The following GRM7 variants were observed in gnomAD, a reference collection of about 807,000 sequenced individuals.
GRM7 encodes glutamate metabotropic receptor 7.
Under a neutral mutation model 84.5 loss-of-function variants are expected in GRM7, and 35 were observed. That is an observed-to-expected ratio of 0.41 (90% CI 0.32 to 0.55). GRM7 has a LOEUF of 0.55. Among genes scored for constraint, GRM7 ranks in the 20% least tolerant of loss-of-function variants. The pLI, the probability that GRM7 is intolerant of heterozygous loss-of-function variation, is 0.19. For synonymous variants in GRM7, 487 were observed against 455.1 expected, an observed-to-expected ratio of 1.07 and a Z score of -0.89; for missense variants, 1,003 against 1,194.6, an observed-to-expected ratio of 0.84 and a Z score of 2.36.
chr3:7,551,273 C>A (rs1428851714), intron 7 of GRM7, among the ~76,000 whole-genome samples: 2 of 152,128 alleles, frequency 1.3e-5, no homozygotes, highest in Non-Finnish European at 2.9e-5. Flanking sequence ...TGCATACAGA[C>A]CCCTTATAAA....
At chr3:7,084,079 G>A (rs922256960) in intron 1 of GRM7, among the ~76,000 whole-genome samples, 2 of 152,142 alleles carry the variant, frequency 1.3e-5, no homozygotes, top group South Asian at 2.1e-4. Context: ...CGTAGGGGCA[G>A]GGGGCAGGGA....
chr3:6,895,262 C>T (rs1369104641), intron 1 of GRM7, among the ~76,000 whole-genome samples: 1 of 152,110 alleles, frequency 6.6e-6, no homozygotes, highest in Admixed American at 6.6e-5. Flanking sequence ...ATCCCTTCCC[C>T]CAAAATGCCA....
At chr3:6,869,950 G>A (rs150085530) in intron 1 of GRM7, among the ~76,000 whole-genome samples, 57 of 151,832 alleles carry the variant, frequency 3.8e-4, no homozygotes, top group African/African-American at 1.3e-3. Flanking sequence ...TTCCATGTGC[G>A]CTTTTCTAAA....
chr3:7,669,714 C>T (rs1699845677), intron 8 of GRM7, among the ~76,000 whole-genome samples: 2 of 152,114 alleles, frequency 1.3e-5, no homozygotes, highest in South Asian at 2.1e-4. Flanking sequence ...TCAGCCAACA[C>T]CTTGGTAACA....
Position 7,198,797 on chromosome 3 carries a change from A to C in GRM7, c.736+52129A>C, listed in dbSNP as rs77700501. Among the ~76,000 whole-genome samples the C allele has an allele frequency of 1.1e-3, 172 of 152,282 alleles. 1 individual carries two copies. The highest frequency in any genetic ancestry group is 4.0e-3 in the African/African-American group (168 of 41,562). ...GCTTTCACACCATCATAAAGTCAAA[A>C]ATTATAAGTTGAGCCATCATAAGTT... is the stretch of plus-strand genomic sequence containing the variant. On this transcript the variant is annotated intron_variant, in intron 2 of 9. Transcript: ENST00000357716.
chr3:7,065,765 G>C (rs190857213), intron 1 of GRM7, among the ~76,000 whole-genome samples: 1 of 151,682 alleles, frequency 6.6e-6, no homozygotes, highest in Admixed American at 6.6e-5. Flanking sequence ...CATTGAATTT[G>C]TAGATCACTT....
intron 9 of GRM7, among the ~76,000 whole-genome samples, chr3:7,734,627 C>T (rs1370758491): frequency 6.6e-6 from 1 of 152,168 alleles, no homozygotes; most frequent in Non-Finnish European, 1.5e-5. Flanking sequence ...GTTTTTACCC[C>T]TGCCAAGTTT....
intron 1 of GRM7, among the ~76,000 whole-genome samples, chr3:7,071,511 G>A (rs1697882950): frequency 6.6e-6 from 1 of 151,870 alleles, no homozygotes; most frequent in African/African-American, 2.4e-5. Context: ...CTGTTGGCAT[G>A]CTTTAAAAAC....
chr3:7,690,965 A>C (rs1202701701), intron 9 of GRM7: 1 of 319,466 alleles, frequency 3.1e-6, no homozygotes, highest in Admixed American at 4.5e-5. Flanking sequence ...GTGAATGAGC[A>C]TCTTCCCAAT....
At chr3:7,539,495 G>A (rs1692748286) in intron 7 of GRM7, among the ~76,000 whole-genome samples, 1 of 151,726 alleles carries the variant, frequency 6.6e-6, no homozygotes, top group African/African-American at 2.4e-5. Context: ...GCAAAAGATG[G>A]TGAAACCCCG....
chr3:7,217,670 A>G (rs13070503), intron 2 of GRM7, among the ~76,000 whole-genome samples: 1 of 149,952 alleles, frequency 6.7e-6, no homozygotes, highest in Non-Finnish European at 1.5e-5. Context: ...GTCAGAAGGT[A>G]TTTATAAGCT....
At chr3:7,322,053 G>T (rs1575165550) in intron 4 of GRM7, among the ~76,000 whole-genome samples, 1 of 152,000 alleles carries the variant, frequency 6.6e-6, no homozygotes, top group Non-Finnish European at 1.5e-5. Context: ...CTTGAAATTA[G>T]TTGGGTAAAA....
chr3:7,098,950 T>G (rs1698953376), intron 1 of GRM7, among the ~76,000 whole-genome samples: 3 of 152,086 alleles, frequency 2.0e-5, no homozygotes, highest in Admixed American at 6.6e-5. Context: ...ATATGCTCTC[T>G]GATGCCTGTG....
At chr3:7,040,349 C>A (rs1327791017) in intron 1 of GRM7, among the ~76,000 whole-genome samples, 2 of 151,756 alleles carry the variant, frequency 1.3e-5, no homozygotes, top group Non-Finnish European at 2.9e-5. Flanking sequence ...GTCGCCCAGG[C>A]TGGGGTGCAG....
At chr3:7,029,301 C>CAAAAAAAAAAA (rs57622634) in intron 1 of GRM7, among the ~76,000 whole-genome samples, 3 of 55,204 alleles carry the variant, frequency 5.4e-5, no homozygotes, top group African/African-American at 1.3e-4. Flanking sequence ...GACTCTGCCT[C>CAAAAAAAAAAA]AAAAAAAAAA....
intron 1 of GRM7, among the ~76,000 whole-genome samples, chr3:7,141,525 A>G (rs1408608163): frequency 6.6e-6 from 1 of 152,068 alleles, no homozygotes; most frequent in Non-Finnish European, 1.5e-5. Flanking sequence ...TTATAGCTAT[A>G]CTATGATTCT....
At chr3:7,725,466 C>T (rs1318349127) in intron 9 of GRM7, among the ~76,000 whole-genome samples, 4 of 152,092 alleles carry the variant, frequency 2.6e-5, no homozygotes, top group African/African-American at 9.7e-5. Context: ...TTTTCTCCAT[C>T]CTTTGAATAA....
chr3:6,878,378 C>CATGTGT (rs58886076), intron 1 of GRM7, among the ~76,000 whole-genome samples: 32 of 142,054 alleles, frequency 2.3e-4, no homozygotes, highest in African/African-American at 7.6e-4. Flanking sequence ...TATGTGTTTG[C>CATGTGT]GTGTGTGTGT....
At chr3:6,947,275 T>G (rs1698123561) in intron 1 of GRM7, among the ~76,000 whole-genome samples, 1 of 152,186 alleles carries the variant, frequency 6.6e-6, no homozygotes, top group Non-Finnish European at 1.5e-5. Flanking sequence ...GTTGTTGAAT[T>G]TTGTCAAACG....
Sources: allele counts gnomAD v4.1 joint callset (sites outside exome capture counted in the v4.1 genomes callset), GRCh38; gene constraint gnomAD v4.1.1; transcripts MANE v1.5; gene names NCBI Gene and HGNC (gene_info 2026-07-23, HGNC 2026-07-21).